TANC1: variants seen among roughly 807,000 people sequenced by gnomAD.
The protein encoded by TANC1 is tetratricopeptide repeat, ankyrin repeat and coiled-coil containing 1.
TANC1 carries 77 observed loss-of-function variants against 149.7 expected under a neutral mutation model. That is an observed-to-expected ratio of 0.51 (90% CI 0.43 to 0.62). The LOEUF (loss-of-function observed/expected upper bound fraction) is 0.62, where lower values mean the gene tolerates loss of function less well. Among genes scored for constraint, TANC1 ranks in the 20% least tolerant of loss-of-function variants. The probability of loss-of-function intolerance (pLI) is 0.00; values close to 1 mark genes in which losing one functional copy is unlikely to be tolerated. For synonymous variants in TANC1, 854 were observed against 925.0 expected, an observed-to-expected ratio of 0.92 and a Z score of 1.39; for missense variants, 1,985 against 2,321.8, an observed-to-expected ratio of 0.85 and a Z score of 2.98.
chr2:159,082,046 C>G (rs2149795087), intron 3 of TANC1, among the ~76,000 whole-genome samples: 1 of 152,370 alleles, frequency 6.6e-6, no homozygotes, highest in Middle Eastern at 3.4e-3. Flanking sequence ...CCTGCCCTGC[C>G]CAGCCAAGCC....
intron 1 of TANC1, among the ~76,000 whole-genome samples, chr2:158,997,297 A>G (rs1307260884): frequency 6.6e-6 from 1 of 152,208 alleles, no homozygotes; most frequent in East Asian, 1.9e-4. Context: ...TGGAGAGGAA[A>G]GTCAAAGGTA....
intron 5 of TANC1, among the ~76,000 whole-genome samples, chr2:159,146,548 T>C (rs2052118158): frequency 6.9e-6 from 1 of 145,770 alleles, no homozygotes; most frequent in African/African-American, 2.5e-5. Context: ...TTTTTTTTTT[T>C]TTTTTTTTTG....
Position 159,001,154 on chromosome 2 carries a change from C to T in TANC1, c.-51C>T, listed in dbSNP as rs1016693168. On this transcript the variant is annotated 5_prime_UTR_variant, in exon 2 of 27. Coordinates refer to ENST00000263635, the MANE Select transcript of TANC1 (RefSeq NM_033394.3). The surrounding 1 kb of genome is among the most constrained non-coding windows in gnomAD (Gnocchi z 4.3). ...AAATTGTGAACTAAGGCCCCCTGCC[C>T]CCTTTTCCTGGTGCATGTGAAGTTA... The T allele has an allele frequency of 2.0e-5, 3 of 152,612 alleles. No individual in the cohort carries two copies. Among genetic ancestry groups the T allele is most frequent in the Non-Finnish European group, 4.4e-5 (3 of 68,390 alleles). The allele number at this position is 152,612 out of a possible 1,614,324, so 9.5% of individuals were successfully genotyped here. A position where few individuals can be genotyped will look rare whatever the true frequency, so the allele number is the denominator to read the frequency against.
At chr2:159,185,733 G>T in intron 14 of TANC1, 58 bp from the exon 15 acceptor site, 3 of 1,186,404 alleles carry the variant, frequency 2.5e-6, no homozygotes, top group Non-Finnish European at 3.7e-6. Flanking sequence ...TTGAGGGTGG[G>T]TCTGCGGTGT....
At chr2:158,971,594 G>A (rs890914451) in intron 1 of TANC1, among the ~76,000 whole-genome samples, 1 of 152,148 alleles carries the variant, frequency 6.6e-6, no homozygotes, top group Non-Finnish European at 1.5e-5. Context: ...TTCTCCCCAC[G>A]TTATGAAAGT....
chr2:159,145,679 GC>G (rs751767665), intron 5 of TANC1, among the ~76,000 whole-genome samples: 50 of 152,208 alleles, frequency 3.3e-4, no homozygotes, highest in Non-Finnish European at 1.0e-4. Context: ...GGGGTGAGAA[GC>G]TGAATAGAGG....
At chr2:159,200,879 A>G (rs1397413325) in intron 19 of TANC1, among the ~76,000 whole-genome samples, 1 of 152,202 alleles carries the variant, frequency 6.6e-6, no homozygotes, top group Non-Finnish European at 1.5e-5. Flanking sequence ...GAAAAGGTAA[A>G]CAGTAACTTG....
At chr2:159,085,152 G>A (rs1349462560) in intron 3 of TANC1, among the ~76,000 whole-genome samples, 4 of 152,258 alleles carry the variant, frequency 2.6e-5, no homozygotes, top group African/African-American at 7.2e-5. Flanking sequence ...AGTCCTCATG[G>A]GAATGGATTA....
chr2:159,032,132 T>C (rs2039831597), intron 2 of TANC1, among the ~76,000 whole-genome samples: 1 of 152,204 alleles, frequency 6.6e-6, no homozygotes, highest in Non-Finnish European at 1.5e-5. Context: ...GTGTCATTAA[T>C]ACAAAGGCAT....
intron 15 of TANC1, 147 bp downstream of exon 15, chr2:159,186,046 A>G: frequency 1.6e-6 from 1 of 637,856 alleles, no homozygotes; most frequent in South Asian, 1.9e-5. Flanking sequence ...CCCCTCTCCA[A>G]AAGTAACCGC....
chr2:159,207,098 T>A (rs1307504794), intron 19 of TANC1, among the ~76,000 whole-genome samples: 1 of 152,204 alleles, frequency 6.6e-6, no homozygotes, highest in Admixed American at 6.5e-5. Context: ...AGAGACTTAC[T>A]TGAAATGATG....
intron 4 of TANC1, among the ~76,000 whole-genome samples, chr2:159,108,071 C>T (rs551934475): frequency 1.1e-4 from 16 of 152,282 alleles, no homozygotes; most frequent in Admixed American, 5.9e-4. Flanking sequence ...TATTTCCATG[C>T]CCATCAGTTC....
intron 2 of TANC1, among the ~76,000 whole-genome samples, chr2:159,064,332 A>G (rs558843494): frequency 1.3e-5 from 2 of 152,370 alleles, no homozygotes; most frequent in African/African-American, 4.8e-5. Flanking sequence ...AAACAGAATT[A>G]GGCTCTAAGC....
intron 18 of TANC1, among the ~76,000 whole-genome samples, chr2:159,198,410 G>A (rs1361027031): frequency 2.0e-5 from 3 of 152,184 alleles, no homozygotes; most frequent in Non-Finnish European, 4.4e-5. Context: ...CTGTTGCTCA[G>A]GGTGAACGCC....
At chr2:159,086,389 A>G (rs145672805) in intron 3 of TANC1, among the ~76,000 whole-genome samples, 54 of 152,228 alleles carry the variant, frequency 3.5e-4, no homozygotes, top group African/African-American at 1.3e-3. Context: ...TGTGAGAACA[A>G]TCAATAGGAA....
chr2:159,073,006 T>C (rs1288281670), intron 3 of TANC1, among the ~76,000 whole-genome samples: 3 of 152,238 alleles, frequency 2.0e-5, no homozygotes, highest in African/African-American at 7.2e-5. Flanking sequence ...AAATAATGTA[T>C]TTTACCTTTT....
intron 5 of TANC1, among the ~76,000 whole-genome samples, chr2:159,143,963 A>T (rs1329948499): frequency 6.6e-6 from 1 of 151,688 alleles, no homozygotes; most frequent in African/African-American, 2.4e-5. Flanking sequence ...AAAAATTCTT[A>T]GTTTTAATAT....
chr2:159,031,961 C>G (rs916131548), intron 2 of TANC1, among the ~76,000 whole-genome samples: 2 of 152,136 alleles, frequency 1.3e-5, no homozygotes, highest in Non-Finnish European at 2.9e-5. Flanking sequence ...AAGTTGAAAA[C>G]TTAATACCTT....
intron 19 of TANC1, among the ~76,000 whole-genome samples, chr2:159,200,509 A>G (rs1299467793): frequency 1.3e-5 from 2 of 152,256 alleles, no homozygotes; most frequent in Admixed American, 1.3e-4. Flanking sequence ...TTAATATTCA[A>G]GATGACTTTT....
Sources: gnomAD v4.1 joint callset for allele counts (sites outside exome capture counted in the v4.1 genomes callset) on GRCh38, gnomAD v4.1.1 for gene constraint, Gnocchi (gnomAD v3.1) non-coding constraint, MANE v1.5 for transcripts, NCBI Gene and HGNC (gene_info 2026-07-23, HGNC 2026-07-21) for gene names.